The following TMEM87A variants were observed in gnomAD, a reference collection of about 807,000 sequenced individuals.
TMEM87A encodes the protein transmembrane protein 87A, also known as Golgi-pH regulating cation channel.
Under a neutral mutation model 90.0 loss-of-function variants are expected in TMEM87A, and 50 were observed. The observed-to-expected ratio is 0.56, with a 90% CI of 0.44 to 0.70. The LOEUF (loss-of-function observed/expected upper bound fraction) is 0.70, where lower values mean the gene tolerates loss of function less well. Among genes scored for constraint, TMEM87A ranks in the 30% least tolerant of loss-of-function variants. The pLI, the probability that TMEM87A is intolerant of heterozygous loss-of-function variation, is 0.00. For missense variants in TMEM87A, 577 were observed against 660.5 expected, an observed-to-expected ratio of 0.87 and a Z score of 1.39; for synonymous variants, 226 against 226.7, an observed-to-expected ratio of 1.00 and a Z score of 0.03.
chr15:42,258,435 C>CTT, intron 6 of TMEM87A: 14 of 620,192 alleles, frequency 2.3e-5, no homozygotes, highest in Non-Finnish European at 2.6e-5. Flanking sequence ...TATCTTTTTT[C>CTT]TTTTTTTTTT....
At chr15:42,249,167 TTCTC>T (rs1477848393) in intron 6 of TMEM87A, among the ~76,000 whole-genome samples, 2 of 152,222 alleles carry the variant, frequency 1.3e-5, no homozygotes, top group Admixed American at 6.5e-5. Flanking sequence ...TATTTGATTC[TTCTC>T]TCTTTTCTTC....
chr15:42,264,284 A>C, intron 3 of TMEM87A, 81 bp from the exon 4 acceptor site: 1 of 867,746 alleles, frequency 1.2e-6, no homozygotes, highest in Non-Finnish European at 1.9e-6. Flanking sequence ...CAAACAGTTC[A>C]CCTGCAGTAC....
intron 3 of TMEM87A, among the ~76,000 whole-genome samples, chr15:42,266,690 C>T (rs1161610437): frequency 6.6e-6 from 1 of 151,838 alleles, no homozygotes; most frequent in Admixed American, 6.6e-5. Flanking sequence ...TTTAAAAATG[C>T]CACTTTTATG....
intron 3 of TMEM87A, among the ~76,000 whole-genome samples, chr15:42,266,550 T>C: frequency 6.6e-6 from 1 of 151,994 alleles, no homozygotes; most frequent in East Asian, 1.9e-4. Flanking sequence ...ATAATAATAG[T>C]ATGCTATTTG....
chr15:42,227,019 T>G (rs2050608175), intron 14 of TMEM87A, 110 bp from the exon 15 acceptor site: 17 of 1,018,826 alleles, frequency 1.7e-5, no homozygotes, highest in South Asian at 1.6e-4. Flanking sequence ...AAGTTATGTT[T>G]ACTAAGAGCC....
At chr15:42,258,733 G>A (rs1020994727) in intron 6 of TMEM87A, 3 of 1,391,250 alleles carry the variant, frequency 2.2e-6, no homozygotes, top group African/African-American at 1.5e-5. Flanking sequence ...AGTCCTAATG[G>A]CTATCTTTTG....
At position 42,273,387 on chromosome 15, in the gene TMEM87A, A is replaced by G; in HGVS notation, c.12T>C (p.Ala4=). Reference sequence around the variant, plus strand: ...TGACAGGCAACACCTGAAGCCACGCAGCCGCCGCCATCTTCACAGCCGTGG... The same window carrying G: ...TGACAGGCAACACCTGAAGCCACGCGGCCGCCGCCATCTTCACAGCCGTGG... MAA[A]AWLQVLPVIL... The change falls in exon 1 of 20, where the codon GCT becomes GCC. Residue 4 remains alanine (A), a synonymous_variant. Transcript: ENST00000389834. 1 of 1,614,048 alleles carries G rather than the reference A, an allele frequency of 6.2e-7. No homozygotes were observed. The highest frequency in any genetic ancestry group is 8.5e-7 in the Non-Finnish European group (1 of 1,180,024).
intron 7 of TMEM87A, among the ~76,000 whole-genome samples, chr15:42,242,096 GA>G (rs1566932257): frequency 6.8e-6 from 1 of 147,264 alleles, no homozygotes; most frequent in African/African-American, 2.5e-5. Context: ...AAAAGAAAAA[GA>G]AAAAAACAAA....
chr15:42,244,833 G>A (rs1467439833), intron 6 of TMEM87A, among the ~76,000 whole-genome samples: 1 of 150,054 alleles, frequency 6.7e-6, no homozygotes, highest in Non-Finnish European at 1.5e-5. Flanking sequence ...ATGATAAAGA[G>A]GAACACAGAA....
chr15:42,251,998 TG>T (rs1431190540), intron 6 of TMEM87A, among the ~76,000 whole-genome samples: 1 of 152,256 alleles, frequency 6.6e-6, no homozygotes, highest in African/African-American at 2.4e-5. Flanking sequence ...CAGTTCGATT[TG>T]GGACTGCTGC....
At chr15:42,253,144 T>A (rs143667478) in intron 6 of TMEM87A, among the ~76,000 whole-genome samples, 2 of 152,354 alleles carry the variant, frequency 1.3e-5, no homozygotes, top group Non-Finnish European at 2.9e-5. Flanking sequence ...CTTTGCACCC[T>A]GGCGCAATCC....
intron 6 of TMEM87A, among the ~76,000 whole-genome samples, chr15:42,244,817 GACACAATGATA>G (rs1159607350): frequency 6.7e-6 from 1 of 149,450 alleles, no homozygotes; most frequent in Non-Finnish European, 1.5e-5. Context: ...AGAAGACTAA[GACACAATGATA>G]AAGAGGAACA....
chr15:42,226,776 T>C (rs1251540049), intron 15 of TMEM87A, 30 bp downstream of exon 15: 2 of 1,590,980 alleles, frequency 1.3e-6, no homozygotes, highest in African/African-American at 2.7e-5. Flanking sequence ...TCATCTCATG[T>C]TAGCAGAGTA....
In TMEM87A at chr15:42,227,769, G is replaced by A. The variant is rs1473950577; in HGVS notation, c.1241C>T (p.Ala414Val). 6 of 1,613,594 alleles carry A rather than the reference G, an allele frequency of 3.7e-6. No homozygotes were observed. The change falls in exon 14 of 20, where the codon GCA becomes GTA. Residue 414 changes from alanine to valine, a missense_variant and splice_region_variant. Transcript: ENST00000389834. ...TGTCCAGATGATAAACACAATGGATGCTAACAGTAAATGAAAAACCAGGTC... is the reference window on the plus strand; with the variant it reads ...TGTCCAGATGATAAACACAATGGATACTAACAGTAAATGAAAAACCAGGTC... ...FTNTLILAVAASIVFIIWTTM... is the reference protein window; with the variant it reads ...FTNTLILAVAVSIVFIIWTTM...
chr15:42,261,248 G>A lies in TMEM87A; in HGVS notation c.407C>T (p.Thr136Ile), dbSNP rs765826966. 4 of 1,612,494 alleles carry A rather than the reference G, an allele frequency of 2.5e-6. No homozygotes were observed. In the South Asian group the frequency reaches 4.4e-5, roughly 18 times the overall value. ...TCGATGCATAAAATCTCCAGAAAAG[G>A]TCTATAAAAGAAACACAAAACAAAA... ...QNCSELFKTQTFSGDFMHRLP... is the reference protein window; with the variant it reads ...QNCSELFKTQIFSGDFMHRLP... Residue 136 changes from threonine to isoleucine, a missense_variant and splice_region_variant, in exon 5 of 20, where the codon ACC (threonine) becomes ATC (isoleucine). Physicochemically the swap from Thr to Ile is moderately conservative, Grantham distance 89 (BLOSUM62 -1). Transcript: ENST00000389834.
chr15:42,246,572 C>T (rs1292994945), intron 6 of TMEM87A, among the ~76,000 whole-genome samples: 2 of 152,110 alleles, frequency 1.3e-5, no homozygotes, highest in East Asian at 3.9e-4. Context: ...CGAGAGTTTG[C>T]TCAGAATGAT....
intron 15 of TMEM87A, among the ~76,000 whole-genome samples, chr15:42,224,785 C>T (rs554526507): frequency 2.0e-5 from 3 of 152,120 alleles, no homozygotes; most frequent in Non-Finnish European, 4.4e-5. Flanking sequence ...CCACAATGTA[C>T]TGTCACAAGA....
At chr15:42,236,564 T>G (rs967496443) in intron 9 of TMEM87A, 145 bp from the exon 10 acceptor site, 24 of 671,472 alleles carry the variant, frequency 3.6e-5, no homozygotes, top group Non-Finnish European at 5.6e-5. Flanking sequence ...CCACAGTTTT[T>G]ACAGGATACA....
intron 8 of TMEM87A, among the ~76,000 whole-genome samples, chr15:42,238,128 C>T (rs914191086): frequency 6.6e-6 from 1 of 152,060 alleles, no homozygotes; most frequent in African/African-American, 2.4e-5. Context: ...ACTCAGCCTG[C>T]TCTCCTATAG....
Sources: allele counts gnomAD v4.1 joint callset (sites outside exome capture counted in the v4.1 genomes callset), GRCh38; gene constraint gnomAD v4.1.1; transcripts MANE v1.5; gene names NCBI Gene and HGNC (gene_info 2026-07-23, HGNC 2026-07-21).